The following PTPRD variants were observed in gnomAD, a reference collection of about 807,000 sequenced individuals.
PTPRD encodes protein tyrosine phosphatase receptor type D.
In PTPRD, 34 loss-of-function variants were observed where a neutral mutation model predicts 214.5. The ratio of observed to expected loss-of-function variants is 0.16; its 90% confidence interval spans 0.12 to 0.21. PTPRD has a LOEUF of 0.21. Among genes scored for constraint, PTPRD ranks in the 10% least tolerant of loss-of-function variants. The pLI is 1.00. For missense variants in PTPRD, 2,545 were observed against 2,398.7 expected (o/e 1.06, Z -1.27); for synonymous variants, 1,128 against 845.7 (o/e 1.33, Z -5.79).
At chr9:10,309,526 T>C (rs1386907582) in intron 3 of PTPRD, among the ~76,000 whole-genome samples, 1 of 151,176 alleles carries the variant, frequency 6.6e-6, no homozygotes, top group Non-Finnish European at 1.5e-5. Context: ...CTATTTCTTT[T>C]TTTTTTTTTT....
At chr9:10,253,504 G>A (rs1041027922) in intron 3 of PTPRD, among the ~76,000 whole-genome samples, 1 of 152,174 alleles carries the variant, frequency 6.6e-6, no homozygotes, top group Non-Finnish European at 1.5e-5. Flanking sequence ...CTCTTTTAAC[G>A]CATAAAACTA....
chr9:10,132,022 A>C (rs1328051430), intron 3 of PTPRD, among the ~76,000 whole-genome samples: 1 of 152,202 alleles, frequency 6.6e-6, no homozygotes, highest in Non-Finnish European at 1.5e-5. Flanking sequence ...TATTTCTAAT[A>C]ACTACAGTGA....
chr9:10,085,709 G>A (rs1291926711), intron 3 of PTPRD, among the ~76,000 whole-genome samples: 3 of 151,374 alleles, frequency 2.0e-5, no homozygotes, highest in East Asian at 2.0e-4. Flanking sequence ...ACACACACAC[G>A]CACAAAGGCA....
rs1187365479 is a variant in PTPRD at position 9,607,005 on chromosome 9, A to AAAAAAAAAAT, written c.-286-32225_-286-32224insATTTTTTTTT. 8.7e-4 allele frequency among the ~76,000 whole-genome samples: 104 copies of AAAAAAAAAAT among 119,678 alleles called. 17 individuals carry two copies. The highest frequency in any genetic ancestry group is 3.3e-3 in the African/African-American group (100 of 30,508). 78.5% of individuals were successfully genotyped at this position (119,678 alleles called of 152,430 possible). The stretch of plus-strand genomic sequence containing the variant: ...AAAAAAAAAAAAAAAAAAAAAAAAA[A>AAAAAAAAAAT]GTGTTTCTGCCATGTCACCGACCAG... On this transcript the variant is annotated intron_variant, in intron 7 of 45. Coordinates refer to ENST00000381196, the MANE Select transcript of PTPRD (RefSeq NM_002839.4).
chr9:8,563,304 A>G (rs1326297906), intron 14 of PTPRD, among the ~76,000 whole-genome samples: 1 of 152,220 alleles, frequency 6.6e-6, no homozygotes, highest in Non-Finnish European at 1.5e-5. Context: ...TGCATATGTC[A>G]AAACTATCAG....
chr9:10,459,924 T>A (rs1448264633), intron 2 of PTPRD, among the ~76,000 whole-genome samples: 1 of 151,964 alleles, frequency 6.6e-6, no homozygotes, highest in African/African-American at 2.4e-5. Flanking sequence ...AACTGCACTT[T>A]TTCCAATTTT....
chr9:8,598,061 C>T (rs2094568748), intron 14 of PTPRD, among the ~76,000 whole-genome samples: 1 of 152,054 alleles, frequency 6.6e-6, no homozygotes, highest in Admixed American at 6.6e-5. Flanking sequence ...AAGAGCCAAA[C>T]ATATAAATAT....
intron 10 of PTPRD, among the ~76,000 whole-genome samples, chr9:9,061,770 C>T (rs1157607984): frequency 2.6e-5 from 4 of 152,170 alleles, no homozygotes; most frequent in Admixed American, 6.5e-5. Context: ...CCCAGTGGCA[C>T]TAGCAGGTTT....
chr9:9,863,861 G>T (rs1167603039), intron 5 of PTPRD, among the ~76,000 whole-genome samples: 1 of 149,816 alleles, frequency 6.7e-6, no homozygotes, highest in Non-Finnish European at 1.5e-5. Flanking sequence ...GCAGTACAAA[G>T]AAATGGACCC....
At chr9:8,741,430 T>C (rs2091893330) in intron 11 of PTPRD, among the ~76,000 whole-genome samples, 1 of 152,168 alleles carries the variant, frequency 6.6e-6, no homozygotes. Context: ...GGAACTCTAA[T>C]ATTTGTTCCT....
intron 9 of PTPRD, among the ~76,000 whole-genome samples, chr9:9,276,081 C>G (rs1945524298): frequency 6.6e-6 from 1 of 151,336 alleles, no homozygotes; most frequent in African/African-American, 2.4e-5. Flanking sequence ...ATGTCCTTGT[C>G]TAATGTTGCT....
At chr9:9,423,668 G>C (rs764524154) in intron 8 of PTPRD, among the ~76,000 whole-genome samples, 3 of 152,128 alleles carry the variant, frequency 2.0e-5, no homozygotes, top group Non-Finnish European at 4.4e-5. Flanking sequence ...AACTGCATCA[G>C]AGAAATGGAA....
rs560252531 is a variant in PTPRD, at chr9:9,240,093, G to C, written c.-202-56730C>G. ...ATTCAAGCACAAATATTAAGAATAA[G>C]TAAATTCAATAAGATATAAGTGGAA... On this transcript the variant is annotated intron_variant, in intron 9 of 45. Coordinates refer to ENST00000381196, the MANE Select transcript of PTPRD (RefSeq NM_002839.4). 2.6e-5 allele frequency among the ~76,000 whole-genome samples: 4 copies of C among 152,140 alleles called. No homozygotes were observed. In the East Asian group the frequency reaches 7.7e-4, roughly 29 times the overall value.
intron 14 of PTPRD, among the ~76,000 whole-genome samples, chr9:8,605,439 T>C (rs975035797): frequency 2.0e-5 from 3 of 152,142 alleles, no homozygotes; most frequent in African/African-American, 7.2e-5. Context: ...TGAGATGACC[T>C]GAAACCATTG....
In PTPRD at chr9:8,322,092, CACTT is replaced by C. The variant is rs145607429; in HGVS notation, c.5535-2130_5535-2127del. On this transcript the variant is annotated intron_variant, in intron 44 of 45. Transcript: ENST00000381196. The stretch of plus-strand genomic sequence containing the variant: ...TGAACCATGACCATAAGACAACAAA[CACTT>C]AATTGACAAATGTGTGTGTTATGAC... 7.5e-3 allele frequency among the ~76,000 whole-genome samples: 1,140 copies of C among 152,226 alleles called. 15 individuals are homozygous for C. Among genetic ancestry groups the C allele is most frequent in the African/African-American group, 0.026 (1,090 of 41,558 alleles).
chr9:9,623,889 G>T (rs1200976168), intron 7 of PTPRD, among the ~76,000 whole-genome samples: 2 of 152,090 alleles, frequency 1.3e-5, no homozygotes, highest in East Asian at 3.9e-4. Flanking sequence ...CTCTTAGATT[G>T]CCCAAAACTA....
rs191264746 is a variant in PTPRD, at chr9:8,623,918, A to G, written c.352+9399T>C. 1.5e-3 allele frequency among the ~76,000 whole-genome samples: 233 copies of G among 152,124 alleles called. No homozygotes were observed. In the Middle Eastern group the frequency reaches 0.017, roughly 11 times the overall value. On this transcript the variant is annotated intron_variant, in intron 14 of 45. Coordinates refer to ENST00000381196, the MANE Select transcript of PTPRD (RefSeq NM_002839.4). The stretch of plus-strand genomic sequence containing the variant: ...AACAAAACAAACGAATAAACGAAAA[A>G]GCAAGAAAATGTTTCCTATTATCTC...
chr9:9,290,709 T>C (rs536982192), intron 9 of PTPRD, among the ~76,000 whole-genome samples: 2 of 151,672 alleles, frequency 1.3e-5, no homozygotes, highest in Admixed American at 6.6e-5. Flanking sequence ...CAACAAAATA[T>C]TTTGAACGAT....
At chr9:9,815,334 GACACTTA>G (rs2048418546) in intron 5 of PTPRD, among the ~76,000 whole-genome samples, 1 of 152,050 alleles carries the variant, frequency 6.6e-6, no homozygotes, top group African/African-American at 2.4e-5. Flanking sequence ...AATGAAACTG[GACACTTA>G]ACTTACATAG....
Sources: allele counts gnomAD v4.1 joint callset (sites outside exome capture counted in the v4.1 genomes callset), GRCh38; gene constraint gnomAD v4.1.1; transcripts MANE v1.5; gene names NCBI Gene and HGNC (gene_info 2026-07-23, HGNC 2026-07-21).